The following ESRRG variants were observed in gnomAD, a reference collection of about 807,000 sequenced individuals.
ESRRG encodes estrogen related receptor gamma.
In ESRRG, 13 loss-of-function variants were observed where a neutral mutation model predicts 44.0. The observed-to-expected ratio is 0.30, with a 90% CI of 0.19 to 0.47. ESRRG has a LOEUF of 0.47. Among genes scored for constraint, ESRRG ranks in the 20% least tolerant of loss-of-function variants. The probability of loss-of-function intolerance (pLI) is 1.00; values close to 1 mark genes in which losing one functional copy is unlikely to be tolerated. For missense variants in ESRRG, 395 were observed against 580.6 expected, an observed-to-expected ratio of 0.68 and a Z score of 3.29; for synonymous variants, 215 against 214.6, an observed-to-expected ratio of 1.00 and a Z score of -0.02.
chr1:217,027,023 C>T (rs2081325573), intron 1 of ESRRG, among the ~76,000 whole-genome samples: 1 of 151,770 alleles, frequency 6.6e-6, no homozygotes, highest in South Asian at 2.1e-4. Context: ...CCTTTTCCTT[C>T]AAGGTTTTAC....
intron 1 of ESRRG, among the ~76,000 whole-genome samples, chr1:216,973,549 A>G (rs916104942): frequency 3.3e-5 from 5 of 152,254 alleles, no homozygotes; most frequent in African/African-American, 1.2e-4. Context: ...ACATCTTAAC[A>G]TGAGCAATGG....
intron 1 of ESRRG, among the ~76,000 whole-genome samples, chr1:216,682,564 G>T (rs968445839): frequency 6.6e-6 from 1 of 152,236 alleles, no homozygotes; most frequent in Middle Eastern, 3.4e-3. Flanking sequence ...AGAAAAGAAG[G>T]TTATCAAGTC....
intron 1 of ESRRG, among the ~76,000 whole-genome samples, chr1:217,053,422 T>C (rs1244063816): frequency 6.9e-6 from 1 of 145,070 alleles, no homozygotes; most frequent in Non-Finnish European, 1.5e-5. Flanking sequence ...GCCACTGCAC[T>C]CCAGCCTGGG....
upstream of ESRRG, among the ~76,000 whole-genome samples, chr1:217,090,280 G>A (rs771987037): frequency 6.6e-6 from 1 of 151,972 alleles, no homozygotes; most frequent in Non-Finnish European, 1.5e-5. Flanking sequence ...ACCAATCCCC[G>A]CCTGGGCAAA....
At chr1:216,630,445 A>AACACACACACAC (rs59403765) in intron 3 of ESRRG, among the ~76,000 whole-genome samples, 4 of 146,388 alleles carry the variant, frequency 2.7e-5, no homozygotes, top group African/African-American at 1.0e-4. Context: ...TGTGCGTGTG[A>AACACACACACAC]ACACACACAC....
chr1:216,687,195 T>A (rs570011024), intron 1 of ESRRG, among the ~76,000 whole-genome samples: 3 of 152,212 alleles, frequency 2.0e-5, no homozygotes, highest in African/African-American at 7.2e-5. Flanking sequence ...GACAGAGACG[T>A]GATCATTTTA....
At chr1:216,982,676 A>G (rs1049281351) in intron 1 of ESRRG, among the ~76,000 whole-genome samples, 1 of 152,226 alleles carries the variant, frequency 6.6e-6, no homozygotes, top group African/African-American at 2.4e-5. Context: ...TCCAAACTTA[A>G]GTGTTTTTAG....
intron 1 of ESRRG, among the ~76,000 whole-genome samples, chr1:217,005,191 G>T (rs2077563265): frequency 6.6e-6 from 1 of 152,098 alleles, no homozygotes. Flanking sequence ...AATACTGAAA[G>T]TGAGTCTTTC....
At chr1:216,675,260 T>C (rs1387154552) in intron 2 of ESRRG, among the ~76,000 whole-genome samples, 2 of 151,918 alleles carry the variant, frequency 1.3e-5, no homozygotes, top group East Asian at 3.9e-4. Context: ...CTTGGGAAGC[T>C]GAGGCAAGAG....
At chr1:216,911,249 AAAT>A (rs2060263189) in intron 2 of ESRRG, among the ~76,000 whole-genome samples, 1 of 152,220 alleles carries the variant, frequency 6.6e-6, no homozygotes, top group Admixed American at 6.5e-5. Flanking sequence ...GTGAAAGGAT[AAAT>A]AAACTATGGT....
chr1:216,695,497 A>G (rs1330433905), intron 1 of ESRRG, among the ~76,000 whole-genome samples: 1 of 152,212 alleles, frequency 6.6e-6, no homozygotes, highest in Non-Finnish European at 1.5e-5. Flanking sequence ...TTATCTCAAA[A>G]TAAAAAGTTT....
intron 1 of ESRRG, among the ~76,000 whole-genome samples, chr1:216,979,359 A>C (rs2073535156): frequency 6.6e-6 from 1 of 152,140 alleles, no homozygotes; most frequent in African/African-American, 2.4e-5. Context: ...AGCCAGCCAC[A>C]ATACCGTATG....
At chr1:217,056,424 A>C (rs11572405) in intron 1 of ESRRG, among the ~76,000 whole-genome samples, 1,545 of 152,220 alleles carry the variant, frequency 0.01, 17 homozygotes, top group Non-Finnish European at 0.016. Flanking sequence ...ATTAAAGGAA[A>C]GAATTTATAC....
chr1:216,936,716 AAGAAGAAGG>A (rs2064208833), intron 2 of ESRRG: 1 of 152,036 alleles, frequency 6.6e-6, no homozygotes, highest in Admixed American at 6.6e-5. Context: ...GAAAAAAAAA[AAGAAGAAGG>A]AGAAGAAGAC....
chr1:217,018,806 A>T (rs1396189897), intron 1 of ESRRG, among the ~76,000 whole-genome samples: 1 of 152,094 alleles, frequency 6.6e-6, no homozygotes, highest in African/African-American at 2.4e-5. Flanking sequence ...TCTAACACTC[A>T]TGCCGTCTTA....
chr1:217,013,074 G>T (rs1284632129), intron 1 of ESRRG, among the ~76,000 whole-genome samples: 1 of 152,156 alleles, frequency 6.6e-6, no homozygotes. Flanking sequence ...TTTATAAGAG[G>T]ATAATCCTGG....
intron 2 of ESRRG, among the ~76,000 whole-genome samples, chr1:216,825,783 C>T (rs932846015): frequency 6.6e-6 from 1 of 152,136 alleles, no homozygotes; most frequent in African/African-American, 2.4e-5. Context: ...GCATTAGCAT[C>T]CTAACAAGGT....
At chr1:217,024,703 G>T (rs2150958607) in intron 1 of ESRRG, among the ~76,000 whole-genome samples, 1 of 152,074 alleles carries the variant, frequency 6.6e-6, no homozygotes, top group South Asian at 2.1e-4. Flanking sequence ...ATGTCTCAGG[G>T]CTTCCTTCCT....
At chr1:216,829,428 A>G (rs138441011) in intron 2 of ESRRG, among the ~76,000 whole-genome samples, 1 of 152,258 alleles carries the variant, frequency 6.6e-6, no homozygotes, top group East Asian at 1.9e-4. Flanking sequence ...AGATACTATT[A>G]TTCTCATTTT....
Sources: gnomAD v4.1 joint callset for allele counts (sites outside exome capture counted in the v4.1 genomes callset) on GRCh38, gnomAD v4.1.1 for gene constraint, MANE v1.5 for transcripts, NCBI Gene and HGNC (gene_info 2026-07-23, HGNC 2026-07-21) for gene names.